The following MYO3B variants were observed in gnomAD, a reference collection of about 807,000 sequenced individuals.
The protein encoded by MYO3B is myosin-IIIb.
Under a neutral mutation model 174.6 loss-of-function variants are expected in MYO3B, and 156 were observed. The ratio of observed to expected loss-of-function variants is 0.89; its 90% confidence interval spans 0.78 to 1.02. The LOEUF (loss-of-function observed/expected upper bound fraction) is 1.02, where lower values mean the gene tolerates loss of function less well. MYO3B is among the 50% of genes least tolerant of loss of function. The probability of loss-of-function intolerance (pLI) is 0.00; values close to 1 mark genes in which losing one functional copy is unlikely to be tolerated. For missense variants in MYO3B, 1,632 were observed against 1,639.4 expected, an observed-to-expected ratio of 1.00 and a Z score of 0.08; for synonymous variants, 563 against 569.1, an observed-to-expected ratio of 0.99 and a Z score of 0.15.
Position 170,392,833 on chromosome 2 carries a change from G to A in MYO3B, c.1791+338G>A, listed in dbSNP as rs181890097. Among the ~76,000 whole-genome samples, 293 of 150,748 alleles carry A rather than the reference G, an allele frequency of 1.9e-3. 1 individual carries two copies. The highest frequency in any genetic ancestry group is 6.8e-3 in the African/African-American group (280 of 41,192). On this transcript the variant is annotated intron_variant, in intron 16 of 34. Coordinates refer to ENST00000408978, the MANE Select transcript of MYO3B (RefSeq NM_138995.5). The stretch of plus-strand genomic sequence containing the variant: ...TCATTGTCATCAATTCATTACACGT[G>A]TAATAACAAATACCAAAACAATACT...
At chr2:170,438,923 T>C (rs7562492) in intron 22 of MYO3B, among the ~76,000 whole-genome samples, 135,107 of 151,956 alleles carry the variant, frequency 0.89, 60,095 homozygotes, top group Middle Eastern at 0.95. Flanking sequence ...TGAGCCACCG[T>C]GCCCGGCCAA....
chr2:170,415,660 T>C (rs1045916300), intron 22 of MYO3B, among the ~76,000 whole-genome samples: 2 of 152,222 alleles, frequency 1.3e-5, no homozygotes, highest in Non-Finnish European at 2.9e-5. Flanking sequence ...TCCTTCTATA[T>C]ATTTTTTTCA....
Position 170,341,931 on chromosome 2 carries a change from G to T in MYO3B, c.815+6481G>T, listed in dbSNP as rs548975531. 3.3e-5 allele frequency among the ~76,000 whole-genome samples: 5 copies of T among 152,246 alleles called. No homozygotes were observed. In the Middle Eastern group the frequency reaches 0.017, roughly 518 times the overall value. On this transcript the variant is annotated intron_variant, in intron 8 of 34. Transcript: ENST00000408978. ...TGATAAAATCTGATTTTCTCATAGT[G>T]TAAACCAGGAAGCAGCTGAGTGTGA...
In MYO3B at chr2:170,638,107, T is replaced by TCACACA. The variant is rs139110015; in HGVS notation, c.3734-13520_3734-13519insACACAC. ...CTCTCTCTCCCTCTCTCTCTCTCTC[T>TCACACA]CTCACACACACACACACCTGCCAGA... On this transcript the variant is annotated intron_variant, in intron 32 of 34. Coordinates refer to ENST00000408978, the MANE Select transcript of MYO3B (RefSeq NM_138995.5). Among the ~76,000 whole-genome samples the TCACACA allele has an allele frequency of 4.3e-3, 637 of 149,320 alleles. 7 individuals carry two copies. The highest frequency in any genetic ancestry group is 0.032 in the South Asian group (153 of 4,712).
intron 7 of MYO3B, among the ~76,000 whole-genome samples, chr2:170,264,575 G>A (rs1041531144): frequency 5.9e-5 from 9 of 152,164 alleles, no homozygotes; most frequent in African/African-American, 2.2e-4. Flanking sequence ...AATCTGCCAC[G>A]TGCTGGTTGT....
At chr2:170,648,347 A>C (rs1032914882) in intron 32 of MYO3B, among the ~76,000 whole-genome samples, 3 of 152,048 alleles carry the variant, frequency 2.0e-5, no homozygotes, top group African/African-American at 7.2e-5. Context: ...GTTTTCATTG[A>C]GGCCAGACAT....
intron 8 of MYO3B, among the ~76,000 whole-genome samples, chr2:170,352,470 G>A (rs979763382): frequency 2.0e-5 from 3 of 152,174 alleles, no homozygotes; most frequent in Non-Finnish European, 4.4e-5. Context: ...GGAGGAAAAG[G>A]TTGGTAAAAA....
intron 16 of MYO3B, among the ~76,000 whole-genome samples, chr2:170,399,398 CGG>C (rs2094461336): frequency 1.4e-5 from 2 of 142,632 alleles, no homozygotes; most frequent in South Asian, 4.6e-4. Context: ...TGCTTGAACC[CGG>C]GAGGCAGAGG....
At chr2:170,358,025 G>T (rs1332504409) in intron 8 of MYO3B, among the ~76,000 whole-genome samples, 8 of 151,842 alleles carry the variant, frequency 5.3e-5, no homozygotes, top group Non-Finnish European at 1.0e-4. Flanking sequence ...GGTGGGGAGC[G>T]CCTGTAATCC....
chr2:170,434,717 C>A (rs1461505875), intron 22 of MYO3B, among the ~76,000 whole-genome samples: 1 of 152,202 alleles, frequency 6.6e-6, no homozygotes, highest in Non-Finnish European at 1.5e-5. Flanking sequence ...ATTGAACATA[C>A]TGACATATTC....
intron 30 of MYO3B, among the ~76,000 whole-genome samples, chr2:170,530,492 A>T (rs1334106207): frequency 6.6e-6 from 1 of 152,124 alleles, no homozygotes; most frequent in Admixed American, 6.5e-5. Flanking sequence ...AACACCACCT[A>T]TGGGTTAATC....
rs1482065453 is a variant in MYO3B, at chr2:170,572,980, C to T, written c.3733+28992C>T. ...TAATCTCCCATGCTTAGTATTTTGG[C>T]TTTGCCTTTTAGTTGGTCTTTGTGT... On this transcript the variant is annotated intron_variant, in intron 32 of 34. Coordinates refer to ENST00000408978, the MANE Select transcript of MYO3B (RefSeq NM_138995.5). Among the ~76,000 whole-genome samples, 3 of 151,924 alleles carry T rather than the reference C, an allele frequency of 2.0e-5. No individual in the cohort carries two copies. In the South Asian group the frequency reaches 6.3e-4, roughly 32 times the overall value.
At chr2:170,371,235 A>G (rs1043373477) in intron 9 of MYO3B, among the ~76,000 whole-genome samples, 3 of 151,646 alleles carry the variant, frequency 2.0e-5, no homozygotes, top group Non-Finnish European at 4.4e-5. Flanking sequence ...AAAAAAAAAA[A>G]AAAAACCAAA....
At chr2:170,241,138 T>C (rs1170665664) in intron 7 of MYO3B, among the ~76,000 whole-genome samples, 1 of 151,808 alleles carries the variant, frequency 6.6e-6, no homozygotes, top group Non-Finnish European at 1.5e-5. Context: ...TTGTTTTTTT[T>C]TTTAGTAGGA....
intron 32 of MYO3B, among the ~76,000 whole-genome samples, chr2:170,583,529 AG>A: frequency 6.6e-6 from 1 of 152,268 alleles, no homozygotes; most frequent in East Asian, 1.9e-4. Context: ...CTTTGCTCTT[AG>A]GGCTCCACTT....
chr2:170,324,184 G>A (rs1191484680), intron 7 of MYO3B, among the ~76,000 whole-genome samples: 1 of 152,106 alleles, frequency 6.6e-6, no homozygotes. Context: ...TCATAGGAAC[G>A]GAAACCCATA....
chr2:170,360,943 A>G (rs573166602), intron 8 of MYO3B, among the ~76,000 whole-genome samples: 2 of 152,334 alleles, frequency 1.3e-5, no homozygotes, highest in Admixed American at 1.3e-4. Context: ...TCTGTTCTTT[A>G]TAAATTACCC....
At chr2:170,586,389 A>T (rs890136129) in intron 32 of MYO3B, among the ~76,000 whole-genome samples, 2 of 152,156 alleles carry the variant, frequency 1.3e-5, no homozygotes, top group Non-Finnish European at 2.9e-5. Flanking sequence ...CACCAACGTG[A>T]TTTATGTGTT....
intron 7 of MYO3B, among the ~76,000 whole-genome samples, chr2:170,315,727 A>G (rs541793882): frequency 6.6e-6 from 1 of 152,366 alleles, no homozygotes; most frequent in South Asian, 2.1e-4. Flanking sequence ...TTTCTGTAAT[A>G]TATGTACCAT....
Sources: gnomAD v4.1 joint callset for allele counts (sites outside exome capture counted in the v4.1 genomes callset) on GRCh38, gnomAD v4.1.1 for gene constraint, MANE v1.5 for transcripts, NCBI Gene and HGNC (gene_info 2026-07-23, HGNC 2026-07-21) for gene names.